Variants in NSUN6 observed in about 807,000 individuals in gnomAD.
NSUN6 encodes tRNA (cytosine(72)-C(5))-methyltransferase NSUN6.
A neutral mutation model predicts 58.0 loss-of-function variants in NSUN6; 64 were observed. The observed-to-expected ratio is 1.10, with a 90% CI of 0.90 to 1.36. NSUN6 has a LOEUF of 1.36. NSUN6 is among the 40% of genes most tolerant of loss of function. The pLI is 0.00. For missense variants in NSUN6, 701 were observed against 550.1 expected (o/e 1.27, Z -2.74); for synonymous variants, 231 against 193.9 (o/e 1.19, Z -1.59).
chr10:18,594,317 C>T (rs951337970), intron 7 of NSUN6, among the ~76,000 whole-genome samples: 1 of 152,006 alleles, frequency 6.6e-6, no homozygotes, highest in African/African-American at 2.4e-5. Context: ...GCTTTGTTTT[C>T]CCTTTTCTTT....
At chr10:18,648,447 C>T in intron 2 of NSUN6, 43 bp downstream of exon 2, 3 of 1,378,206 alleles carry the variant, frequency 2.2e-6, no homozygotes, top group Non-Finnish European at 3.1e-6. Flanking sequence ...TGGTAGATTG[C>T]AAAAATGTAA....
At chr10:18,551,684 T>C (rs2054612817) in intron 9 of NSUN6, 139 bp downstream of exon 9, 1 of 638,500 alleles carries the variant, frequency 1.6e-6, no homozygotes. Context: ...CTGTTATCCA[T>C]GTATCTGTCA....
intron 3 of NSUN6, among the ~76,000 whole-genome samples, chr10:18,622,424 T>C (rs1248191433): frequency 6.6e-6 from 1 of 152,134 alleles, no homozygotes; most frequent in Non-Finnish European, 1.5e-5. Flanking sequence ...CTACAAAAGA[T>C]GGAAATCAGC....
chr10:18,610,556 A>G (rs1345823593), intron 5 of NSUN6, among the ~76,000 whole-genome samples: 1 of 152,194 alleles, frequency 6.6e-6, no homozygotes, highest in East Asian at 1.9e-4. Context: ...ACTTCCTGTC[A>G]GCTCTTTATA....
intron 8 of NSUN6, among the ~76,000 whole-genome samples, chr10:18,579,339 T>A (rs1158344287): frequency 6.6e-6 from 1 of 151,968 alleles, no homozygotes; most frequent in Non-Finnish European, 1.5e-5. Context: ...TCCAGCTAAT[T>A]TTTTGTATTT....
At chr10:18,613,528 C>T (rs1001131100) in intron 5 of NSUN6, among the ~76,000 whole-genome samples, 2 of 152,130 alleles carry the variant, frequency 1.3e-5, no homozygotes, top group Non-Finnish European at 1.5e-5. Context: ...AAAAGTATAC[C>T]ATTAACAATG....
chr10:18,551,604 G>C (rs1019509764), intron 9 of NSUN6: 2 of 404,040 alleles, frequency 5.0e-6, no homozygotes, highest in Non-Finnish European at 4.4e-6. Flanking sequence ...GTTCACCCAT[G>C]TTGTGCCTGT....
At chr10:18,620,748 A>G (rs970325687) in intron 3 of NSUN6, among the ~76,000 whole-genome samples, 4 of 152,206 alleles carry the variant, frequency 2.6e-5, no homozygotes, top group African/African-American at 9.7e-5. Context: ...TTTAATTTAT[A>G]CTTCTACTGT....
At chr10:18,570,427 T>C (rs572478464) in intron 8 of NSUN6, among the ~76,000 whole-genome samples, 106 of 150,304 alleles carry the variant, frequency 7.1e-4, no homozygotes, top group African/African-American at 2.5e-3. Flanking sequence ...CTCCATTCCA[T>C]TCTCCATTCC....
chr10:18,648,554 C>G lies in NSUN6; in HGVS notation c.167G>C (p.Arg56Thr). The G allele has an allele frequency of 6.2e-7, 1 of 1,606,984 alleles. No individual in the cohort carries two copies. Among genetic ancestry groups the G allele is most frequent in the Non-Finnish European group, 8.5e-7 (1 of 1,173,692 alleles). The change falls in exon 2 of 11, where the codon AGA (arginine) becomes ACA (threonine). Residue 56 changes from arginine (R) to threonine (T), a missense_variant. Physicochemically the swap from Arg to Thr is moderately conservative, Grantham distance 71. Coordinates refer to ENST00000377304, the MANE Select transcript of NSUN6 (RefSeq NM_182543.5). Reference protein sequence around the residue: ...LSHPPSFTTVRVNTHLASVQH... With the variant: ...LSHPPSFTTVTVNTHLASVQH... ...TACTGAGGCTAAATGTGTATTCACT[C>G]TGACAGTTGTAAATGATGGAGGATG...
upstream of NSUN6, chr10:18,651,680 T>C: frequency 1.0e-6 from 1 of 985,374 alleles, no homozygotes. Flanking sequence ...CCCTTTCCGG[T>C]CCCCCAATCC....
chr10:18,641,387 A>T (rs1211939552), intron 3 of NSUN6, among the ~76,000 whole-genome samples: 3 of 149,352 alleles, frequency 2.0e-5, no homozygotes, highest in African/African-American at 7.4e-5. Context: ...TTTTTTTGAG[A>T]CAAGGTCCCG....
chr10:18,605,852 T>C (rs887863012), intron 6 of NSUN6, among the ~76,000 whole-genome samples: 3 of 152,172 alleles, frequency 2.0e-5, no homozygotes, highest in African/African-American at 7.2e-5. Context: ...AAAAAATACA[T>C]TCAGTCTACA....
At chr10:18,593,477 A>C (rs1223029953) in intron 7 of NSUN6, among the ~76,000 whole-genome samples, 1 of 152,212 alleles carries the variant, frequency 6.6e-6, no homozygotes, top group Non-Finnish European at 1.5e-5. Context: ...TCAATGACAG[A>C]CTGGATAAAG....
chr10:18,565,877 A>C (rs577929440), intron 8 of NSUN6, among the ~76,000 whole-genome samples: 1 of 148,174 alleles, frequency 6.7e-6, no homozygotes, highest in South Asian at 2.1e-4. Flanking sequence ...TTCATTCTGC[A>C]TTCCATTCCA....
At chr10:18,563,492 G>A (rs1449551305) in intron 8 of NSUN6, among the ~76,000 whole-genome samples, 1 of 151,224 alleles carries the variant, frequency 6.6e-6, no homozygotes, top group Non-Finnish European at 1.5e-5. Flanking sequence ...GAATGGAATA[G>A]AATGGAGAGT....
intron 2 of NSUN6, among the ~76,000 whole-genome samples, chr10:18,647,622 T>C (rs1487949357): frequency 6.6e-6 from 1 of 152,172 alleles, no homozygotes; most frequent in Non-Finnish European, 1.5e-5. Context: ...AACTATTTTA[T>C]TGGTTGGGTA....
At chr10:18,629,370 C>T (rs2058945901) in intron 3 of NSUN6, among the ~76,000 whole-genome samples, 1 of 151,926 alleles carries the variant, frequency 6.6e-6, no homozygotes, top group South Asian at 2.1e-4. Context: ...AACCAGCTAA[C>T]ATCATAATGA....
chr10:18,655,098 C>T, upstream of NSUN6: 1 of 982,952 alleles, frequency 1.0e-6, no homozygotes, highest in Non-Finnish European at 1.2e-6. Context: ...TTGGGGAACA[C>T]TTCTCTGAAA....
Sources: gnomAD v4.1 joint callset for allele counts (sites outside exome capture counted in the v4.1 genomes callset) on GRCh38, gnomAD v4.1.1 for gene constraint, MANE v1.5 for transcripts, NCBI Gene and HGNC (gene_info 2026-07-23, HGNC 2026-07-21) for gene names.